THSD7A: variants seen among roughly 807,000 people sequenced by gnomAD.
The protein encoded by THSD7A is thrombospondin type-1 domain-containing protein 7A.
In THSD7A, 96 loss-of-function variants were observed where a neutral mutation model predicts 231.3. That is an observed-to-expected ratio of 0.41 (90% CI 0.35 to 0.49). THSD7A has a LOEUF of 0.49. Among genes scored for constraint, THSD7A ranks in the 20% least tolerant of loss-of-function variants. The probability of loss-of-function intolerance (pLI) is 0.05; values close to 1 mark genes in which losing one functional copy is unlikely to be tolerated. For synonymous variants in THSD7A, 940 were observed against 743.3 expected, an observed-to-expected ratio of 1.26 and a Z score of -4.30; for missense variants, 2,290 against 2,070.2, an observed-to-expected ratio of 1.11 and a Z score of -2.06.
chr7:11,715,771 T>C (rs1354258452), intron 1 of THSD7A, among the ~76,000 whole-genome samples: 3 of 151,358 alleles, frequency 2.0e-5, no homozygotes, highest in Non-Finnish European at 4.4e-5. Flanking sequence ...ACCACAAGGG[T>C]CTATTTTCCC....
intron 1 of THSD7A, among the ~76,000 whole-genome samples, chr7:11,639,440 C>A (rs767240506): frequency 1.3e-5 from 2 of 152,004 alleles, no homozygotes; most frequent in African/African-American, 4.8e-5. Flanking sequence ...GAGGCCGAGG[C>A]GGGCGGATCA....
chr7:11,745,685 C>A (rs1191011997), intron 1 of THSD7A, among the ~76,000 whole-genome samples: 2 of 152,048 alleles, frequency 1.3e-5, no homozygotes, highest in Non-Finnish European at 2.9e-5. Context: ...TTCCCAGCAC[C>A]ATTTATTAAA....
chr7:11,728,725 A>G (rs1413995539), intron 1 of THSD7A, among the ~76,000 whole-genome samples: 1 of 151,936 alleles, frequency 6.6e-6, no homozygotes, highest in African/African-American at 2.4e-5. Context: ...AATATTATAT[A>G]TACCAAGTAG....
intron 27 of THSD7A, 144 bp downstream of exon 27, chr7:11,376,426 A>C: frequency 1.6e-6 from 1 of 625,566 alleles, no homozygotes; most frequent in South Asian, 2.8e-5. Context: ...GGTAGCTTTT[A>C]GCCCATCTAG....
chr7:11,706,904 G>A (rs1258851652), intron 1 of THSD7A, among the ~76,000 whole-genome samples: 2 of 150,352 alleles, frequency 1.3e-5, no homozygotes, highest in Admixed American at 1.3e-4. Context: ...AATCCACTCA[G>A]CTCTGATTCA....
chr7:11,532,480 A>G (rs1445390841), intron 6 of THSD7A, among the ~76,000 whole-genome samples: 1 of 152,180 alleles, frequency 6.6e-6, no homozygotes, highest in African/African-American at 2.4e-5. Context: ...AAGGATAGAG[A>G]CAGATATTAA....
At chr7:11,685,028 A>G (rs552227876) in intron 1 of THSD7A, among the ~76,000 whole-genome samples, 13 of 152,122 alleles carry the variant, frequency 8.5e-5, no homozygotes, top group African/African-American at 2.9e-4. Flanking sequence ...AAGCAAACAC[A>G]TAGATCATTG....
At chr7:11,497,641 A>C (rs1371193029) in intron 6 of THSD7A, among the ~76,000 whole-genome samples, 1 of 152,178 alleles carries the variant, frequency 6.6e-6, no homozygotes, top group Non-Finnish European at 1.5e-5. Context: ...TGTTTATCTT[A>C]AGAATAACTG....
intron 26 of THSD7A, chr7:11,378,025 T>C (rs1782348785): frequency 6.6e-6 from 1 of 152,040 alleles, no homozygotes; most frequent in African/African-American, 2.4e-5. Flanking sequence ...TAAATCATAC[T>C]ATCAGCTAAA....
At chr7:11,552,074 C>G (rs751799828) in intron 4 of THSD7A, among the ~76,000 whole-genome samples, 3 of 151,992 alleles carry the variant, frequency 2.0e-5, no homozygotes, top group Non-Finnish European at 2.9e-5. Context: ...GAACAGAAAA[C>G]CAAATACTGC....
intron 2 of THSD7A, among the ~76,000 whole-genome samples, chr7:11,604,682 A>G (rs1177143179): frequency 1.3e-5 from 2 of 152,154 alleles, no homozygotes; most frequent in African/African-American, 2.4e-5. Context: ...AACTTTGGCA[A>G]TCTTGCGAAT....
chr7:11,697,336 A>C (rs1363412652), intron 1 of THSD7A, among the ~76,000 whole-genome samples: 1 of 151,416 alleles, frequency 6.6e-6, no homozygotes, highest in Non-Finnish European at 1.5e-5. Flanking sequence ...ACTCATGCCC[A>C]GACGTCTTCA....
chr7:11,530,767 T>C (rs1338885706), intron 6 of THSD7A, among the ~76,000 whole-genome samples: 1 of 152,064 alleles, frequency 6.6e-6, no homozygotes, highest in Admixed American at 6.6e-5. Context: ...TCCCAACTCT[T>C]TGGGAGGCCG....
chr7:11,574,233 T>C (rs1173164442), intron 4 of THSD7A, among the ~76,000 whole-genome samples: 1 of 134,328 alleles, frequency 7.4e-6, no homozygotes, highest in Non-Finnish European at 1.6e-5. Context: ...CTCTTTGATA[T>C]TTTCTTATTT....
At chr7:11,438,989 A>T (rs1485502796) in intron 13 of THSD7A, among the ~76,000 whole-genome samples, 1 of 151,944 alleles carries the variant, frequency 6.6e-6, no homozygotes, top group African/African-American at 2.4e-5. Context: ...AATTTTAATA[A>T]TTTTTTTCTT....
At chr7:11,689,735 G>A (rs2128141574) in intron 1 of THSD7A, among the ~76,000 whole-genome samples, 1 of 149,166 alleles carries the variant, frequency 6.7e-6, no homozygotes, top group East Asian at 2.0e-4. Context: ...GCTATCCATA[G>A]TAAATGGGGT....
At chr7:11,651,290 T>C (rs544403563) in intron 1 of THSD7A, among the ~76,000 whole-genome samples, 1 of 152,038 alleles carries the variant, frequency 6.6e-6, no homozygotes, top group Non-Finnish European at 1.5e-5. Flanking sequence ...TGAAGAAGGA[T>C]ATGGGAAAGT....
chr7:11,719,761 C>T (rs1187420803), intron 1 of THSD7A, among the ~76,000 whole-genome samples: 1 of 151,734 alleles, frequency 6.6e-6, no homozygotes, highest in Non-Finnish European at 1.5e-5. Flanking sequence ...ATTTCCAATG[C>T]ACTAGTTCTT....
chr7:11,640,586 C>T lies in THSD7A; in HGVS notation c.191-3625G>A, dbSNP rs17164976. 5.9e-3 allele frequency among the ~76,000 whole-genome samples: 901 copies of T among 152,066 alleles called. 4 individuals carry two copies. Among genetic ancestry groups the T allele is most frequent in the African/African-American group, 0.021 (859 of 41,500 alleles). On this transcript the variant is annotated intron_variant, in intron 1 of 27. Transcript: ENST00000423059. ...TATATTTTGGATAACTAAATATGCA[C>T]GATGTTTTTCTGAAATTAGCATTGT... is the stretch of plus-strand genomic sequence containing the variant.
Sources: gnomAD v4.1 joint callset for allele counts (sites outside exome capture counted in the v4.1 genomes callset) on GRCh38, gnomAD v4.1.1 for gene constraint, MANE v1.5 for transcripts, NCBI Gene and HGNC (gene_info 2026-07-23, HGNC 2026-07-21) for gene names.